The following MGAT4C variants were observed in gnomAD, a reference collection of about 807,000 sequenced individuals.
MGAT4C encodes the protein MGAT4 family member C, also known as alpha-1,3-mannosyl-glycoprotein 4-beta-N-acetylglucosaminyltransferase C.
In MGAT4C, 19 loss-of-function variants were observed where a neutral mutation model predicts 40.1. The observed-to-expected ratio is 0.47, with a 90% confidence interval of 0.33 to 0.70. The LOEUF (loss-of-function observed/expected upper bound fraction) is 0.70. Ranked by LOEUF, MGAT4C falls within the 30% of genes least tolerant of loss-of-function variation. The pLI, the probability that MGAT4C is intolerant of heterozygous loss-of-function variation, is 0.02. For missense variants in MGAT4C, 491 were observed against 563.2 expected, an observed-to-expected ratio of 0.87 and a Z score of 1.30; for synonymous variants, 181 against 187.1, an observed-to-expected ratio of 0.97 and a Z score of 0.27.
chr12:86,100,186 A>G (rs1293382819), intron 1 of MGAT4C, among the ~76,000 whole-genome samples: 4 of 151,482 alleles, frequency 2.6e-5, no homozygotes, highest in Admixed American at 6.6e-5. Context: ...TAATCAGAGA[A>G]TTAATTCATA....
chr12:86,049,986 T>TTA, intron 1 of MGAT4C, among the ~76,000 whole-genome samples: 1 of 152,082 alleles, frequency 6.6e-6, no homozygotes, highest in South Asian at 2.1e-4. Flanking sequence ...AATATTTGAA[T>TTA]TATATATAAC....
chr12:86,651,735 T>C (rs574207826), intron 2 of MGAT4C, among the ~76,000 whole-genome samples: 2 of 151,936 alleles, frequency 1.3e-5, no homozygotes, highest in South Asian at 4.1e-4. Context: ...GATGGGTGAT[T>C]AAAATAAATG....
intron 2 of MGAT4C, among the ~76,000 whole-genome samples, chr12:86,560,296 T>G (rs1179468696): frequency 6.6e-6 from 1 of 151,936 alleles, no homozygotes. Context: ...GAGGCTGGCA[T>G]TACCATGATA....
chr12:86,546,398 C>T (rs1959193012), intron 2 of MGAT4C, among the ~76,000 whole-genome samples: 1 of 151,738 alleles, frequency 6.6e-6, no homozygotes. Flanking sequence ...AAAAGAAGCT[C>T]AGTTTTTCTA....
chr12:86,569,005 A>G lies in MGAT4C; in HGVS notation c.-228-133740T>C, dbSNP rs577913600. On this transcript the variant is annotated intron_variant, in intron 2 of 7. Transcript: ENST00000548651. ...TTTAAAATAGCTCAAAAATATGTAC[A>G]TGAATAAATTTAACCAAGGAGGTGA... 2.6e-5 allele frequency among the ~76,000 whole-genome samples: 4 copies of G among 152,136 alleles called. No homozygotes were observed. The South Asian group carries it at 8.3e-4, about 32-fold the overall frequency.
intron 2 of MGAT4C, among the ~76,000 whole-genome samples, chr12:86,620,915 C>T (rs1160933332): frequency 6.6e-6 from 1 of 152,134 alleles, no homozygotes; most frequent in Non-Finnish European, 1.5e-5. Flanking sequence ...CCTTCGGCTT[C>T]TACTGTGATT....
At chr12:86,583,514 G>T (rs1021166979) in intron 2 of MGAT4C, among the ~76,000 whole-genome samples, 2 of 151,128 alleles carry the variant, frequency 1.3e-5, no homozygotes, top group Non-Finnish European at 3.0e-5. Flanking sequence ...TATTTATCAG[G>T]GTCAACACAT....
intron 2 of MGAT4C, among the ~76,000 whole-genome samples, chr12:86,724,672 C>T (rs1950793008): frequency 1.3e-5 from 2 of 152,132 alleles, no homozygotes; most frequent in African/African-American, 4.8e-5. Flanking sequence ...GAAAGACAGC[C>T]TTTGATTTTG....
intron 1 of MGAT4C, among the ~76,000 whole-genome samples, chr12:86,796,584 T>A (rs1055920328): frequency 6.6e-6 from 1 of 151,850 alleles, no homozygotes; most frequent in Non-Finnish European, 1.5e-5. Context: ...TTCAGTTACA[T>A]AGAAGGAAGA....
At chr12:86,106,785 T>A (rs1420377504) in intron 1 of MGAT4C, among the ~76,000 whole-genome samples, 1 of 152,202 alleles carries the variant, frequency 6.6e-6, no homozygotes, top group African/African-American at 2.4e-5. Context: ...ATTCAATTTC[T>A]TCCATTGGTC....
chr12:86,416,229 G>T lies in MGAT4C; in HGVS notation c.-120+18928C>A, dbSNP rs181111616. ...ATTTTTTATTCAAGTGAAGGATCAT[G>T]TCTTCTGGCTGAGATGGAAAAAATG... On this transcript the variant is annotated intron_variant, in intron 3 of 7. Transcript: ENST00000548651. Among the ~76,000 whole-genome samples, 122 of 152,156 alleles carry T rather than the reference G, an allele frequency of 8.0e-4. 1 individual carries two copies. Among genetic ancestry groups the T allele is most frequent in the African/African-American group, 2.8e-3 (116 of 41,572 alleles).
chr12:86,564,025 T>C lies in MGAT4C; in HGVS notation c.-228-128760A>G, dbSNP rs1959981002. On this transcript the variant is annotated intron_variant, in intron 2 of 7. Coordinates refer to the MGAT4C transcript ENST00000548651. Reference sequence around the variant, plus strand: ...TGCCTCTACCTAGAAAAATAGTAAATCAAAAATAGTATCATATCTGTGGAG... The same window carrying C: ...TGCCTCTACCTAGAAAAATAGTAAACCAAAAATAGTATCATATCTGTGGAG... Among the ~76,000 whole-genome samples the C allele has an allele frequency of 3.3e-5, 5 of 152,088 alleles. 1 individual carries two copies. The South Asian group carries it at 1.0e-3, about 32-fold the overall frequency.
chr12:86,061,976 CA>C (rs1353399804), intron 1 of MGAT4C, among the ~76,000 whole-genome samples: 1 of 152,160 alleles, frequency 6.6e-6, no homozygotes, highest in African/African-American at 2.4e-5. Flanking sequence ...CCCTCCCTGA[CA>C]GCTCTGAAGA....
chr12:86,403,169 A>T (rs1956402880), intron 3 of MGAT4C, among the ~76,000 whole-genome samples: 1 of 152,208 alleles, frequency 6.6e-6, no homozygotes, highest in South Asian at 2.1e-4. Flanking sequence ...TTACTGAGTT[A>T]TCAGTAGCAC....
At chr12:86,019,185 G>A (rs753989675) in intron 2 of MGAT4C, among the ~76,000 whole-genome samples, 2 of 152,010 alleles carry the variant, frequency 1.3e-5, no homozygotes, top group African/African-American at 2.4e-5. Flanking sequence ...AGAGAAGAGC[G>A]ACAATGATGA....
intron 3 of MGAT4C, among the ~76,000 whole-genome samples, chr12:86,363,379 G>C (rs1410274996): frequency 6.6e-6 from 1 of 152,014 alleles, no homozygotes; most frequent in Non-Finnish European, 1.5e-5. Context: ...AAGTCAAAAA[G>C]AAGTTTCAGG....
At chr12:86,259,310 T>C (rs1229403346), upstream of MGAT4C, among the ~76,000 whole-genome samples, 1 of 152,060 alleles carries the variant, frequency 6.6e-6, no homozygotes, top group Non-Finnish European at 1.5e-5. Context: ...AGTCTGCACA[T>C]GTATCTGGGT....
chr12:86,431,118 T>C (rs1048986821), intron 3 of MGAT4C, among the ~76,000 whole-genome samples: 2 of 152,152 alleles, frequency 1.3e-5, no homozygotes, highest in Non-Finnish European at 2.9e-5. Context: ...GTTAAAAGCA[T>C]ATAGGGACTC....
At chr12:86,466,342 G>T (rs1214370452) in intron 2 of MGAT4C, among the ~76,000 whole-genome samples, 6 of 152,172 alleles carry the variant, frequency 3.9e-5, no homozygotes. Flanking sequence ...TCCAGTCAAT[G>T]GAATATTGTT....
Sources: gnomAD v4.1 joint callset for allele counts (sites outside exome capture counted in the v4.1 genomes callset) on GRCh38, gnomAD v4.1.1 for gene constraint, MANE v1.5 for transcripts, NCBI Gene and HGNC (gene_info 2026-07-23, HGNC 2026-07-21) for gene names.